Variants in WIPF3 observed in about 807,000 individuals in gnomAD.
The protein encoded by WIPF3 is WAS/WASL-interacting protein family member 3.
In WIPF3, 33 loss-of-function variants were observed where a neutral mutation model predicts 38.9. The ratio of observed to expected loss-of-function variants is 0.85; its 90% CI spans 0.64 to 1.14. The LOEUF (loss-of-function observed/expected upper bound fraction) is 1.14, where lower values mean the gene tolerates loss of function less well. WIPF3 is among the 50% of genes most tolerant of loss of function. WIPF3 has a pLI of 0.00. For synonymous variants in WIPF3, 324 were observed against 269.3 expected, an observed-to-expected ratio of 1.20 and a Z score of -1.99; for missense variants, 711 against 652.5, an observed-to-expected ratio of 1.09 and a Z score of -0.98.
chr7:29,877,082 C>T (rs749433345), intron 3 of WIPF3, among the ~76,000 whole-genome samples: 8 of 152,114 alleles, frequency 5.3e-5, no homozygotes, highest in Non-Finnish European at 1.0e-4. Flanking sequence ...ATGAAGATGA[C>T]GTTAACCCTG....
At chr7:29,828,573 A>G (rs901148075) in intron 1 of WIPF3, among the ~76,000 whole-genome samples, 2 of 152,184 alleles carry the variant, frequency 1.3e-5, no homozygotes, top group African/African-American at 4.8e-5. Flanking sequence ...CTAGATAGAT[A>G]TGGGGCTTTT....
chr7:29,875,253 G>A (rs146408981), intron 2 of WIPF3, among the ~76,000 whole-genome samples: 1 of 152,196 alleles, frequency 6.6e-6, no homozygotes, highest in South Asian at 2.1e-4. Flanking sequence ...CCAGCTCCTA[G>A]AGCATGAATC....
chr7:29,833,934 C>T (rs1159183329), intron 1 of WIPF3, among the ~76,000 whole-genome samples: 1 of 152,192 alleles, frequency 6.6e-6, no homozygotes, highest in East Asian at 1.9e-4. Context: ...TGCACACATA[C>T]AGGCTCCACA....
chr7:29,878,944 G>A lies in WIPF3; in HGVS notation c.224-65G>A. ...GTAGACCAGTGTTAGACCATGGTCT[G>A]AAATGAGACCTGGCTGCTCAGCTCT... On this transcript the variant is annotated intron_variant, in intron 3 of 8. Transcript: ENST00000242140. The surrounding 1 kb of genome is among the most constrained non-coding windows in gnomAD (Gnocchi z 4.0). The A allele has an allele frequency of 6.5e-7, 1 of 1,532,528 alleles. No individual in the cohort carries two copies. The highest frequency in any genetic ancestry group is 8.9e-7 in the Non-Finnish European group (1 of 1,128,554). 94.9% of individuals were successfully genotyped at this position (1,532,528 alleles called of 1,614,324 possible).
At chr7:29,877,358 A>G (rs1785621988) in intron 3 of WIPF3, among the ~76,000 whole-genome samples, 1 of 152,220 alleles carries the variant, frequency 6.6e-6, no homozygotes, top group Admixed American at 6.5e-5. Flanking sequence ...ACCTAAAACA[A>G]TGAGATCCAG....
chr7:29,911,985 A>G (rs1786513447), intron 8 of WIPF3, among the ~76,000 whole-genome samples: 1 of 152,230 alleles, frequency 6.6e-6, no homozygotes, highest in Non-Finnish European at 1.5e-5. Flanking sequence ...ATAAAAAAGA[A>G]AAGGCAACCC....
chr7:29,842,450 G>A (rs1371429928), intron 2 of WIPF3, among the ~76,000 whole-genome samples: 1 of 152,174 alleles, frequency 6.6e-6, no homozygotes, highest in East Asian at 1.9e-4. Flanking sequence ...ACAGTGAGAG[G>A]CTTATCGCAC....
chr7:29,885,441 T>G (rs1181491035), intron 5 of WIPF3, among the ~76,000 whole-genome samples: 1 of 152,182 alleles, frequency 6.6e-6, no homozygotes, highest in Non-Finnish European at 1.5e-5. Flanking sequence ...TAGAAAATCT[T>G]TTGATGCAGA....
chr7:29,840,577 T>C (rs1784897445), intron 2 of WIPF3, among the ~76,000 whole-genome samples: 1 of 152,198 alleles, frequency 6.6e-6, no homozygotes, highest in Admixed American at 6.5e-5. Context: ...TTTATGTAAA[T>C]TGGGTTAAGA....
intron 2 of WIPF3, among the ~76,000 whole-genome samples, chr7:29,854,063 C>T (rs1462770947): frequency 6.6e-6 from 1 of 152,246 alleles, no homozygotes; most frequent in Admixed American, 6.5e-5. Flanking sequence ...GGAGATTGCA[C>T]TTGCCTTGCC....
intron 7 of WIPF3, among the ~76,000 whole-genome samples, chr7:29,898,581 C>T (rs139548077): frequency 3.4e-4 from 52 of 152,308 alleles, no homozygotes; most frequent in African/African-American, 1.2e-3. Context: ...ATAAGACCTA[C>T]GTGAACTTCC....
At chr7:29,825,524 A>G (rs780063165) in intron 1 of WIPF3, among the ~76,000 whole-genome samples, 1 of 152,228 alleles carries the variant, frequency 6.6e-6, no homozygotes, top group Non-Finnish European at 1.5e-5. Context: ...TTCAAGGATG[A>G]AAGAGAAGAA....
At chr7:29,831,594 T>G (rs959981614) in intron 1 of WIPF3, among the ~76,000 whole-genome samples, 1 of 152,254 alleles carries the variant, frequency 6.6e-6, no homozygotes, top group Non-Finnish European at 1.5e-5. Context: ...ATAGGTTCAA[T>G]ATTAGTGGAT....
Position 29,911,473 on chromosome 7 carries a change from C to G in WIPF3, c.1429-3020C>G, listed in dbSNP as rs149200249. ...AAGGAACTCCTTGAGATAGCCACAA[C>G]AATCTTGAAAAAGAAGAATAAATCT... On this transcript the variant is annotated intron_variant, in intron 8 of 8. Coordinates refer to ENST00000242140, the MANE Select transcript of WIPF3 (RefSeq NM_001080529.3). 7.0e-4 allele frequency among the ~76,000 whole-genome samples: 107 copies of G among 152,166 alleles called. 1 individual carries two copies. The East Asian group carries it at 0.019, about 26-fold the overall frequency.
At chr7:29,910,523 T>C (rs1786486706) in intron 8 of WIPF3, among the ~76,000 whole-genome samples, 1 of 152,152 alleles carries the variant, frequency 6.6e-6, no homozygotes, top group African/African-American at 2.4e-5. Flanking sequence ...CTCAATAAAA[T>C]ACTAGCAAAT....
chr7:29,819,700 A>T (rs961981586), intron 1 of WIPF3, among the ~76,000 whole-genome samples: 1 of 151,948 alleles, frequency 6.6e-6, no homozygotes, highest in African/African-American at 2.4e-5. Flanking sequence ...ATAGGTTCTG[A>T]TATGCAATGT....
chr7:29,911,366 C>A (rs1397211309), intron 8 of WIPF3, among the ~76,000 whole-genome samples: 1 of 152,088 alleles, frequency 6.6e-6, no homozygotes, highest in Non-Finnish European at 1.5e-5. Context: ...GTAAACCCTA[C>A]CGAAATCTCA....
intron 1 of WIPF3, among the ~76,000 whole-genome samples, chr7:29,827,289 C>T (rs1341432688): frequency 1.3e-5 from 2 of 152,106 alleles, no homozygotes; most frequent in Non-Finnish European, 2.9e-5. Flanking sequence ...AGGACAGTCT[C>T]ATAGGTTGGA....
At chr7:29,812,539 A>G (rs76275033) in intron 1 of WIPF3, among the ~76,000 whole-genome samples, 5,235 of 152,326 alleles carry the variant, frequency 0.034, 325 homozygotes, top group African/African-American at 0.12. Flanking sequence ...AGATAAAGGA[A>G]TTAATGTCCT....
Sources: gnomAD v4.1 joint callset for allele counts (sites outside exome capture counted in the v4.1 genomes callset) on GRCh38, gnomAD v4.1.1 for gene constraint, Gnocchi (gnomAD v3.1) non-coding constraint, MANE v1.5 for transcripts, NCBI Gene and HGNC (gene_info 2026-07-23, HGNC 2026-07-21) for gene names.